Variants in CTNNA2 observed in about 807,000 individuals in gnomAD.
The protein encoded by CTNNA2 is catenin alpha-2.
In CTNNA2, 42 loss-of-function variants were observed where a neutral mutation model predicts 101.0. The observed-to-expected ratio is 0.42, with a 90% CI of 0.32 to 0.54. The LOEUF (loss-of-function observed/expected upper bound fraction) is 0.54, where lower values mean the gene tolerates loss of function less well. Ranked by LOEUF, CTNNA2 falls within the 20% of genes least tolerant of loss-of-function variation. The probability of loss-of-function intolerance (pLI) is 0.14; values close to 1 mark genes in which losing one functional copy is unlikely to be tolerated. For missense variants in CTNNA2, 871 were observed against 1,223.1 expected (o/e 0.71, Z 4.29); for synonymous variants, 450 against 456.4 (o/e 0.99, Z 0.18).
chr2:79,411,781 C>G lies in CTNNA2; in HGVS notation c.-135+37768C>G, dbSNP rs1678414743. On this transcript the variant is annotated intron_variant, in intron 4 of 21. Transcript: ENST00000466387. The stretch of plus-strand genomic sequence containing the variant: ...GGAAAGGAACAACCAGTTCCAGCTG[C>G]TGCAAAATCATGCCAAAATGTAAAG... 2.6e-5 allele frequency among the ~76,000 whole-genome samples: 4 copies of G among 152,240 alleles called. No individual in the cohort carries two copies. In the South Asian group the frequency reaches 8.3e-4, roughly 32 times the overall value.
intron 7 of CTNNA2, among the ~76,000 whole-genome samples, chr2:80,197,021 A>G (rs1573363395): frequency 6.6e-6 from 1 of 151,994 alleles, no homozygotes; most frequent in East Asian, 1.9e-4. Flanking sequence ...ACTATTTTCC[A>G]TCTCTTGCCT....
At chr2:80,281,040 T>C (rs1674340570) in intron 7 of CTNNA2, among the ~76,000 whole-genome samples, 1 of 152,144 alleles carries the variant, frequency 6.6e-6, no homozygotes, top group African/African-American at 2.4e-5. Flanking sequence ...AACGCCATCA[T>C]TTCTCTCTGC....
chr2:79,349,916 A>G (rs1677346754), intron 3 of CTNNA2, among the ~76,000 whole-genome samples: 2 of 151,870 alleles, frequency 1.3e-5, no homozygotes, highest in Admixed American at 1.3e-4. Flanking sequence ...TCTACTAAAA[A>G]CACAAAAATT....
intron 2 of CTNNA2, among the ~76,000 whole-genome samples, chr2:79,288,833 G>C (rs1020017177): frequency 6.6e-6 from 1 of 152,202 alleles, no homozygotes; most frequent in Non-Finnish European, 1.5e-5. Context: ...CTGACTTTCA[G>C]TGGGGGAACT....
At chr2:79,579,094 C>T (rs548378789) in intron 1 of CTNNA2, among the ~76,000 whole-genome samples, 2 of 148,588 alleles carry the variant, frequency 1.3e-5, no homozygotes, top group African/African-American at 5.0e-5. Context: ...TCTTTCCTTC[C>T]TCCCTTTATT....
At chr2:79,816,855 G>A (rs1015910596) in intron 3 of CTNNA2, among the ~76,000 whole-genome samples, 1 of 152,030 alleles carries the variant, frequency 6.6e-6, no homozygotes, top group African/African-American at 2.4e-5. Context: ...CCTTTTTACA[G>A]TGGCATACCT....
intron 9 of CTNNA2, among the ~76,000 whole-genome samples, chr2:80,467,602 T>C (rs1684967029): frequency 6.6e-6 from 1 of 152,206 alleles, no homozygotes; most frequent in Non-Finnish European, 1.5e-5. Flanking sequence ...TACAATGCAA[T>C]GCTGACTTGA....
Position 79,800,638 on chromosome 2 carries a change from A to C in CTNNA2, c.298+56056A>C, listed in dbSNP as rs1329490321. 3.3e-5 allele frequency among the ~76,000 whole-genome samples: 5 copies of C among 152,182 alleles called. No homozygotes were observed. The East Asian group carries it at 5.8e-4, about 18-fold the overall frequency. ...CTGCAGAAGGGGACAACAGCCAAGGAGGATGGCGAAAGAGAGGGGCTCCAG... is the reference window on the plus strand; with the variant it reads ...CTGCAGAAGGGGACAACAGCCAAGGCGGATGGCGAAAGAGAGGGGCTCCAG... On this transcript the variant is annotated intron_variant, in intron 3 of 18. Transcript: ENST00000402739.
intron 7 of CTNNA2, among the ~76,000 whole-genome samples, chr2:80,022,516 G>A (rs7608178): frequency 0.054 from 8,241 of 152,128 alleles, 640 homozygotes; most frequent in African/African-American, 0.17. Context: ...TTATAATCCT[G>A]GTACTTTGGG....
intron 1 of CTNNA2, among the ~76,000 whole-genome samples, chr2:79,562,616 A>G (rs1674850476): frequency 6.6e-6 from 1 of 152,018 alleles, no homozygotes; most frequent in Admixed American, 6.6e-5. Flanking sequence ...TCGCATCTAC[A>G]ATTTGAATAT....
chr2:79,654,631 A>G (rs190348089), intron 2 of CTNNA2, among the ~76,000 whole-genome samples: 1 of 152,320 alleles, frequency 6.6e-6, no homozygotes, highest in African/African-American at 2.4e-5. Flanking sequence ...TCCTTAACCT[A>G]AGCACATCTG....
At chr2:80,390,236 G>T (rs1573923834) in intron 7 of CTNNA2, among the ~76,000 whole-genome samples, 1 of 152,086 alleles carries the variant, frequency 6.6e-6, no homozygotes, top group African/African-American at 2.4e-5. Flanking sequence ...CTTCCCAAAG[G>T]CAACATCTTC....
rs58921527 is a variant in CTNNA2 at position 79,304,075 on chromosome 2, G to T, written c.-405-8634G>T. Among the ~76,000 whole-genome samples the T allele has an allele frequency of 2.0e-5, 3 of 151,984 alleles. No homozygotes were observed. In the East Asian group the frequency reaches 5.8e-4, roughly 30 times the overall value. On this transcript the variant is annotated intron_variant, in intron 2 of 21. Coordinates refer to the CTNNA2 transcript ENST00000466387. Reference sequence around the variant, plus strand: ...CATGCAGGGTGTGGGGGCCAGTGGGGCAGGTCAAGTAGCATGTATCTAGCT... The same window carrying T: ...CATGCAGGGTGTGGGGGCCAGTGGGTCAGGTCAAGTAGCATGTATCTAGCT...
At chr2:79,319,812 A>G (rs1676577809) in intron 3 of CTNNA2, 1 of 152,190 alleles carries the variant, frequency 6.6e-6, no homozygotes, top group South Asian at 2.1e-4. Flanking sequence ...CTTATGAGGC[A>G]TAGGAGAAGA....
intron 4 of CTNNA2, among the ~76,000 whole-genome samples, chr2:79,501,232 A>G (rs1026215069): frequency 1.3e-5 from 2 of 152,184 alleles, no homozygotes; most frequent in African/African-American, 2.4e-5. Flanking sequence ...ATGACATCAC[A>G]TTTACCAAAT....
chr2:79,833,516 A>G (rs1023906532), intron 3 of CTNNA2, among the ~76,000 whole-genome samples: 2 of 152,178 alleles, frequency 1.3e-5, no homozygotes, highest in African/African-American at 4.8e-5. Flanking sequence ...CCCTTTCTAG[A>G]TAACACACTC....
At chr2:80,156,774 G>C (rs530178654) in intron 7 of CTNNA2, among the ~76,000 whole-genome samples, 1 of 152,350 alleles carries the variant, frequency 6.6e-6, no homozygotes, top group Non-Finnish European at 1.5e-5. Context: ...GTGAACAGCT[G>C]CCTAGTTGTG....
chr2:79,750,016 G>A (rs564163765), intron 3 of CTNNA2, among the ~76,000 whole-genome samples: 5 of 152,292 alleles, frequency 3.3e-5, no homozygotes, highest in African/African-American at 1.2e-4. Context: ...GCTCGGTATG[G>A]CTTACAGTTG....
intron 1 of CTNNA2, among the ~76,000 whole-genome samples, chr2:79,588,754 T>C (rs886357521): frequency 3.3e-5 from 5 of 152,184 alleles, no homozygotes; most frequent in Non-Finnish European, 7.3e-5. Context: ...AGAGCACTTT[T>C]TCCAAGACTT....
Sources: allele counts gnomAD v4.1 joint callset (sites outside exome capture counted in the v4.1 genomes callset), GRCh38; gene constraint gnomAD v4.1.1; transcripts MANE v1.5; gene names NCBI Gene and HGNC (gene_info 2026-07-23, HGNC 2026-07-21).